MTAP: variants seen among roughly 807,000 people sequenced by gnomAD.
The protein encoded by MTAP is methylthioadenosine phosphorylase.
Under a neutral mutation model 33.6 loss-of-function variants are expected in MTAP, and 33 were observed. That is an observed-to-expected ratio of 0.98 (90% CI 0.74 to 1.31). The LOEUF (loss-of-function observed/expected upper bound fraction) is 1.31. MTAP is among the 40% of genes most tolerant of loss of function. The pLI is 0.00. For synonymous variants in MTAP, 148 were observed against 125.7 expected, an observed-to-expected ratio of 1.18 and a Z score of -1.19; for missense variants, 367 against 360.0, an observed-to-expected ratio of 1.02 and a Z score of -0.16.
chr9:21,870,645 TATA>T, downstream of MTAP, among the ~76,000 whole-genome samples: 1 of 152,038 alleles, frequency 6.6e-6, no homozygotes, highest in East Asian at 1.9e-4. Flanking sequence ...TATATTTTAA[TATA>T]ATATATCCAA....
In MTAP at chr9:21,815,416, G is replaced by A. The variant is rs1824449716; in HGVS notation, c.34-17G>A. 1.3e-6 allele frequency: 2 copies of A among 1,524,726 alleles called. No individual in the cohort carries two copies. Among genetic ancestry groups the A allele is most frequent in the Non-Finnish European group, 1.8e-6 (2 of 1,112,914 alleles). The allele number at this position is 1,524,726 out of a possible 1,614,324, so 94.4% of individuals were successfully genotyped here. On this transcript the variant is annotated splice_polypyrimidine_tract_variant and intron_variant, in intron 1 of 7. Transcript: ENST00000644715. ...ATTACCAAATACAATAATCTTCTCT[G>A]TCTTTTTCTCTCTTAGATTGGAATA...
rs529338099 is a variant in MTAP, at chr9:21,866,487, A to G, written c.*4473A>G. On this transcript the variant is annotated 3_prime_UTR_variant, in exon 8 of 8. Transcript: ENST00000644715. ...TGTGTGCCCTTGTCAAAATCATTTA[A>G]TTTTGACTACTCACTTAATTACCTT... is the stretch of plus-strand genomic sequence containing the variant. 6.6e-6 allele frequency: 1 copy of G among 151,608 alleles called. No homozygotes were observed. The highest frequency in any genetic ancestry group is 2.1e-4 in the South Asian group (1 of 4,782). The allele number at this position is 151,608 out of a possible 1,614,324, so 9.4% of individuals were successfully genotyped here.
intron 6 of MTAP, among the ~76,000 whole-genome samples, chr9:21,858,741 T>G (rs909759958): frequency 2.0e-5 from 3 of 152,328 alleles, no homozygotes; most frequent in South Asian, 2.1e-4. Flanking sequence ...TCAGTGCTTT[T>G]CAGAGATGTC....
Position 21,864,827 on chromosome 9 carries a change from A to C in MTAP, c.*2813A>C. ...GCCACGTGAGCCTGCTCTGGCATCC[A>C]CAGGATGCTCCTGGAGCCTCTTCTC... is the stretch of plus-strand genomic sequence containing the variant. On this transcript the variant is annotated 3_prime_UTR_variant, in exon 8 of 8. Coordinates refer to ENST00000644715, the MANE Select transcript of MTAP (RefSeq NM_002451.4). 1 of 985,462 alleles carries C rather than the reference A, an allele frequency of 1.0e-6. No homozygotes were observed. Among genetic ancestry groups the C allele is most frequent in the Non-Finnish European group, 1.2e-6 (1 of 829,962 alleles). 61.0% of individuals were successfully genotyped at this position (985,462 alleles called of 1,614,324 possible).
chr9:21,928,711 T>C (rs1818907693), intron 1 of MTAP, among the ~76,000 whole-genome samples: 1 of 152,022 alleles, frequency 6.6e-6, no homozygotes, highest in Admixed American at 6.6e-5. Context: ...GTGGAAAGAA[T>C]TTACCAAACC....
chr9:21,878,399 TG>T (rs1449707845), intron 1 of MTAP, among the ~76,000 whole-genome samples: 2 of 152,150 alleles, frequency 1.3e-5, no homozygotes, highest in Non-Finnish European at 2.9e-5. Flanking sequence ...CTGTTAGCTT[TG>T]GGGTTGGTTT....
chr9:21,848,262 G>A (rs867382715), intron 5 of MTAP, among the ~76,000 whole-genome samples: 33 of 152,244 alleles, frequency 2.2e-4, no homozygotes, highest in Middle Eastern at 3.4e-3. Context: ...CTAGAGGTGA[G>A]GTTGAGATTG....
At chr9:21,875,358 C>T (rs1161917513) in intron 1 of MTAP, among the ~76,000 whole-genome samples, 2 of 152,040 alleles carry the variant, frequency 1.3e-5, no homozygotes, top group Admixed American at 1.3e-4. Context: ...TGATGTTGAG[C>T]TTTTTTTCAT....
downstream of MTAP, chr9:21,867,111 G>A (rs1008822536): frequency 2.0e-5 from 3 of 152,064 alleles, no homozygotes; most frequent in Non-Finnish European, 4.4e-5. Flanking sequence ...TATTGCAAGT[G>A]CCTTAGGGAT....
At chr9:21,833,749 C>G (rs1314280808) in intron 4 of MTAP, among the ~76,000 whole-genome samples, 1 of 152,188 alleles carries the variant, frequency 6.6e-6, no homozygotes, top group East Asian at 1.9e-4. Context: ...ATTGTGTTTG[C>G]TTCTGCCAGG....
Position 21,865,708 on chromosome 9 carries a change from C to T in MTAP, c.*3694C>T. 1 of 1,033,322 alleles carries T rather than the reference C, an allele frequency of 9.7e-7. No homozygotes were observed. Among genetic ancestry groups the T allele is most frequent in the Non-Finnish European group, 1.2e-6 (1 of 854,660 alleles). 64.0% of individuals were successfully genotyped at this position (1,033,322 alleles called of 1,614,324 possible). On this transcript the variant is annotated 3_prime_UTR_variant, in exon 8 of 8. Coordinates refer to ENST00000644715, the MANE Select transcript of MTAP (RefSeq NM_002451.4). ...AGTCCAGAAGAAGCTGTTTCAGGGCCTGTTGCCAGCTATGCCTTTGAGAAC... is the reference window on the plus strand; with the variant it reads ...AGTCCAGAAGAAGCTGTTTCAGGGCTTGTTGCCAGCTATGCCTTTGAGAAC...
At chr9:21,833,430 C>T (rs180739856) in intron 4 of MTAP, among the ~76,000 whole-genome samples, 1 of 152,130 alleles carries the variant, frequency 6.6e-6, no homozygotes, top group Non-Finnish European at 1.5e-5. Flanking sequence ...AGGGTTCCAC[C>T]CACCTTGGCC....
At chr9:21,930,554 A>G (rs978852717) in intron 1 of MTAP, 2 of 304,970 alleles carry the variant, frequency 6.6e-6, no homozygotes, top group Non-Finnish European at 1.2e-5. Context: ...TATAGCTGGT[A>G]TGGGAACCTA....
chr9:21,876,904 T>C (rs1329239151), intron 1 of MTAP, among the ~76,000 whole-genome samples: 1 of 152,138 alleles, frequency 6.6e-6, no homozygotes, highest in African/African-American at 2.4e-5. Context: ...GAATTGTCAT[T>C]GGTAGTTTGA....
downstream of MTAP, among the ~76,000 whole-genome samples, chr9:21,869,102 A>C (rs1292559715): frequency 2.0e-5 from 3 of 152,130 alleles, no homozygotes; most frequent in African/African-American, 7.2e-5. Flanking sequence ...TTTTCAGCAC[A>C]CAAATATACT....
rs574521656 is a variant in MTAP, at chr9:21,828,259, G to A, written c.348-9649G>A. On this transcript the variant is annotated intron_variant, in intron 4 of 7. Coordinates refer to ENST00000644715, the MANE Select transcript of MTAP (RefSeq NM_002451.4). The stretch of plus-strand genomic sequence containing the variant: ...AGTCTCTAATAAGTGCCTTTTGTGG[G>A]ATCTTGCATGTGTTAACCTTCTCAG... Among the ~76,000 whole-genome samples the A allele has an allele frequency of 7.2e-5, 11 of 152,292 alleles. No individual in the cohort carries two copies. The South Asian group carries it at 8.3e-4, about 11-fold the overall frequency.
chr9:21,896,316 C>T (rs369184274), intron 1 of MTAP, among the ~76,000 whole-genome samples: 2 of 152,208 alleles, frequency 1.3e-5, no homozygotes, highest in East Asian at 3.9e-4. Flanking sequence ...CCTAACATCA[C>T]AATTAAAAGA....
intron 6 of MTAP, among the ~76,000 whole-genome samples, chr9:21,857,623 T>G (rs566848097): frequency 6.6e-6 from 1 of 152,344 alleles, no homozygotes; most frequent in South Asian, 2.1e-4. Context: ...TAGCACGAGC[T>G]TCCATGAATT....
intron 4 of MTAP, among the ~76,000 whole-genome samples, chr9:21,833,239 A>G (rs928485652): frequency 5.9e-5 from 9 of 152,158 alleles, no homozygotes; most frequent in African/African-American, 1.9e-4. Flanking sequence ...AAGCTGGAGT[A>G]CAGTGGCGCC....
Sources: allele counts gnomAD v4.1 joint callset (sites outside exome capture counted in the v4.1 genomes callset), GRCh38; gene constraint gnomAD v4.1.1; transcripts MANE v1.5; gene names NCBI Gene and HGNC (gene_info 2026-07-23, HGNC 2026-07-21).